Variants in ADAMTS10 observed in about 807,000 individuals in gnomAD.
The protein encoded by ADAMTS10 is A disintegrin and metalloproteinase with thrombospondin motifs 10.
A neutral mutation model predicts 135.9 loss-of-function variants in ADAMTS10; 48 were observed. The observed-to-expected ratio is 0.35, with a 90% CI of 0.28 to 0.45. The LOEUF (loss-of-function observed/expected upper bound fraction) is 0.45. Ranked by LOEUF, ADAMTS10 falls within the 20% of genes least tolerant of loss-of-function variation. The probability of loss-of-function intolerance (pLI) is 1.00; values close to 1 mark genes in which losing one functional copy is unlikely to be tolerated. For synonymous variants in ADAMTS10, 621 were observed against 647.5 expected (o/e 0.96, Z 0.62); for missense variants, 1,131 against 1,565.2 (o/e 0.72, Z 4.68).
Position 8,580,886 on chromosome 19 carries a change from G to A in ADAMTS10, c.*7C>T. 6.3e-7 allele frequency: 1 copy of A among 1,596,230 alleles called. No individual in the cohort carries two copies. On this transcript the variant is annotated 3_prime_UTR_variant, in exon 26 of 26. Coordinates refer to ENST00000597188, the MANE Select transcript of ADAMTS10 (RefSeq NM_030957.4). The stretch of plus-strand genomic sequence containing the variant: ...CGCCAGCTGTGGCTCCGGGTGCCGC[G>A]CGCCCCCTAGTGGCCATGGCAGGTT...
chr19:8,585,576 G>A lies in ADAMTS10; in HGVS notation c.2745C>T (p.Val915=). The A allele has an allele frequency of 6.2e-7, 1 of 1,607,098 alleles. No individual in the cohort carries two copies. Among genetic ancestry groups the A allele is most frequent in the South Asian group, 1.1e-5 (1 of 90,440 alleles). ...RSRSVVCQRR[V]SAAEEKALDD... is the part of the protein sequence containing the mutation. ...CCAGCGCCTTCTCCTCCGCGGCAGA[G>A]ACGCGGCGCTGGCACACGACCGAGC... Residue 915 remains valine (V), a synonymous_variant, in exon 23 of 26, where the codon GTC becomes GTT. Transcript: ENST00000597188.
rs200059935 is a variant in ADAMTS10, at chr19:8,596,237, G to A, written c.1191-18C>T. ...TGCCGAATCTGGGGAAAGGGGTGTC[G>A]GCTCTGCCGGGCGCTGAGGGACCCG... is the stretch of plus-strand genomic sequence containing the variant. On this transcript the variant is annotated intron_variant, in intron 10 of 25. Coordinates refer to ENST00000597188, the MANE Select transcript of ADAMTS10 (RefSeq NM_030957.4). The surrounding 1 kb of genome is among the most constrained non-coding windows in gnomAD (Gnocchi z 7.2). 6.6e-4 allele frequency: 1,068 copies of A among 1,613,324 alleles called. 7 individuals carry two copies. Among genetic ancestry groups the A allele is most frequent in the Non-Finnish European group, 7.8e-4 (921 of 1,180,014 alleles).
intron 1 of ADAMTS10, among the ~76,000 whole-genome samples, chr19:8,610,343 CACACAG>C (rs1194877014): frequency 1.7e-4 from 5 of 29,606 alleles, no homozygotes; most frequent in Admixed American, 8.0e-4. Flanking sequence ...ACTGTCCAAA[CACACAG>C]ACACACAAGA....
rs782743402 is a variant in ADAMTS10 at position 8,586,625 on chromosome 19, C to T, written c.2336G>A (p.Arg779Gln). 3.1e-6 allele frequency: 5 copies of T among 1,614,050 alleles called. No homozygotes were observed. The highest frequency in any genetic ancestry group is 2.2e-5 in the South Asian group (2 of 91,082). ...LPLAGTTFQL[R>Q]QGPDQVQSLE... ...GCTCTGGACCTGGTCTGGCCCCTGT[C>T]GCAGTTGAAAGGTGGTCCCAGCTAG... The change falls in exon 20 of 26, where the codon CGA becomes CAA. Residue 779 changes from arginine to glutamine, a missense_variant. Transcript: ENST00000597188.
intron 6 of ADAMTS10, among the ~76,000 whole-genome samples, chr19:8,599,136 C>T (rs898007744): frequency 3.3e-5 from 5 of 151,968 alleles, no homozygotes; most frequent in African/African-American, 4.8e-5. Flanking sequence ...TACACTGGTA[C>T]GCTGAGGCTT....
intron 1 of ADAMTS10, among the ~76,000 whole-genome samples, 175 bp downstream of exon 1, chr19:8,610,469 C>A (rs1422310041): frequency 2.0e-5 from 3 of 151,526 alleles, no homozygotes; most frequent in African/African-American, 7.3e-5. Flanking sequence ...CCCACGGCAA[C>A]CCCGGGCGTG....
At chr19:8,604,540 G>T (rs1301067318) in intron 4 of ADAMTS10, among the ~76,000 whole-genome samples, 1 of 151,214 alleles carries the variant, frequency 6.6e-6, no homozygotes, top group Non-Finnish European at 1.5e-5. Flanking sequence ...GGAGGGCAGT[G>T]TTGTGATCTC....
intron 15 of ADAMTS10, among the ~76,000 whole-genome samples, 187 bp from the exon 16 acceptor site, chr19:8,590,178 G>C (rs2042504358): frequency 6.6e-6 from 1 of 152,128 alleles, no homozygotes; most frequent in South Asian, 2.1e-4. Context: ...GACACATCTG[G>C]GATAGGACTG....
rs143019805 is a variant in ADAMTS10 at position 8,590,544 on chromosome 19, C to T, written c.1798-553G>A. Among the ~76,000 whole-genome samples, 1,261 of 152,236 alleles carry T rather than the reference C, an allele frequency of 8.3e-3. 21 individuals carry two copies. Among genetic ancestry groups the T allele is most frequent in the African/African-American group, 0.028 (1,183 of 41,524 alleles). ...CACAATCTCGGCTCACTGCAACCTCCGCTTCCTGGATTCAAGTGATTCTCC... is the reference window on the plus strand; with the variant it reads ...CACAATCTCGGCTCACTGCAACCTCTGCTTCCTGGATTCAAGTGATTCTCC... On this transcript the variant is annotated intron_variant, in intron 15 of 25. Coordinates refer to ENST00000597188, the MANE Select transcript of ADAMTS10 (RefSeq NM_030957.4).
intron 25 of ADAMTS10, chr19:8,581,251 A>G (rs782767690): frequency 6.7e-6 from 2 of 300,136 alleles, no homozygotes; most frequent in Non-Finnish European, 1.2e-5. Flanking sequence ...AGTTGGGACT[A>G]CAGGTGTGAG....
intron 6 of ADAMTS10, among the ~76,000 whole-genome samples, chr19:8,600,561 T>G (rs1210110846): frequency 6.7e-6 from 1 of 149,932 alleles, no homozygotes; most frequent in Non-Finnish European, 1.5e-5. Context: ...TGCAGTGGCG[T>G]GATCTTGGCT....
At position 8,589,297 on chromosome 19, in the gene ADAMTS10, G is replaced by A. The variant is rs142495835; in HGVS notation, c.2103C>T (p.Asp701=). ...CCTCGATGGTCTCGCAGGCACTGCC[G>A]TCACCGCCACACACTCGGCACTTGT... is the stretch of plus-strand genomic sequence containing the variant. ...REDKCRVCGG[D]GSACETIEGV... Residue 701 remains aspartate, a synonymous_variant, in exon 18 of 26, where the codon GAC becomes GAT. Coordinates refer to ENST00000597188, the MANE Select transcript of ADAMTS10 (RefSeq NM_030957.4). The A allele has an allele frequency of 1.4e-5, 23 of 1,612,406 alleles. No individual in the cohort carries two copies. The Admixed American group carries it at 2.2e-4, about 15-fold the overall frequency.
chr19:8,585,260 T>C lies in ADAMTS10; in HGVS notation c.2914A>G (p.Lys972Glu). Reference sequence around the variant, plus strand: ...AGCGTGGCGCGGTGGTCTGCGCTCTTGCAAAGGACCACGCGGTGGCGGAGG... The same window carrying C: ...AGCGTGGCGCGGTGGTCTGCGCTCTCGCAAAGGACCACGCGGTGGCGGAGG... Reference protein sequence around the residue: ...PGLRHRVVLCKSADHRATLPP... With the variant: ...PGLRHRVVLCESADHRATLPP... The change falls in exon 24 of 26, where the codon AAG becomes GAG. Residue 972 changes from lysine (K) to glutamate (E), a missense_variant. This residue lies in a region of ADAMTS10 where 745 missense variants were observed against 1,056.3 expected (regional missense o/e 0.71). Coordinates refer to ENST00000597188, the MANE Select transcript of ADAMTS10 (RefSeq NM_030957.4). 2 of 1,497,222 alleles carry C rather than the reference T, an allele frequency of 1.3e-6. No individual in the cohort carries two copies. The highest frequency in any genetic ancestry group is 1.8e-6 in the Non-Finnish European group (2 of 1,121,580). 92.7% of individuals were successfully genotyped at this position (1,497,222 alleles called of 1,614,324 possible). A position where few individuals can be genotyped will look rare whatever the true frequency, so the allele number is the denominator to read the frequency against.
In ADAMTS10 at chr19:8,591,850, C is replaced by A; in HGVS notation, c.1747G>T (p.Gly583Cys). 1 of 1,613,696 alleles carries A rather than the reference C, an allele frequency of 6.2e-7. No individual in the cohort carries two copies. The highest frequency in any genetic ancestry group is 8.5e-7 in the Non-Finnish European group (1 of 1,180,034). ...HCDSPRPTIG[G>C]KYCLGERRRH... ...CTTCTCTCACCCAGACAGTACTTGC[C>A]CCCGATGGTTGGCCTGGAAAGGGTG... Residue 583 changes from glycine (G) to cysteine (C), a missense_variant, in exon 15 of 26, where the codon GGC (glycine) becomes TGC (cysteine). Physicochemically the swap from Gly to Cys is radical, Grantham distance 159 (BLOSUM62 -3). Coordinates refer to ENST00000597188, the MANE Select transcript of ADAMTS10 (RefSeq NM_030957.4).
intron 2 of ADAMTS10, among the ~76,000 whole-genome samples, chr19:8,606,131 G>A (rs782099015): frequency 3.9e-5 from 6 of 152,194 alleles, no homozygotes; most frequent in Non-Finnish European, 8.8e-5. Context: ...TGTGATCATA[G>A]CTCACTGCAG....
chr19:8,610,194 G>GACAC (rs374652955), intron 1 of ADAMTS10, among the ~76,000 whole-genome samples: 1 of 151,138 alleles, frequency 6.6e-6, no homozygotes, highest in South Asian at 2.1e-4. Context: ...CCCCACACCA[G>GACAC]ACACACACAC....
In ADAMTS10 at chr19:8,600,997, A is replaced by G. The variant is rs782622381; in HGVS notation, c.741T>C (p.Ala247=). 2 of 1,614,128 alleles carry G rather than the reference A, an allele frequency of 1.2e-6. No homozygotes were observed. Among genetic ancestry groups the G allele is most frequent in the Non-Finnish European group, 1.7e-6 (2 of 1,180,026 alleles). ...CGTGATAGGCCACCATCATCTTGTC[A>G]GCCACCACCAGGGTCTCCACGTAGC... ...RERYVETLVV[A]DKMMVAYHGR... Residue 247 remains alanine (A), a synonymous_variant, in exon 6 of 26, where the codon GCT becomes GCC. Transcript: ENST00000597188.
chr19:8,601,964 A>G lies in ADAMTS10; in HGVS notation c.593-819T>C, dbSNP rs1408451576. ...CCCATGATGACCAGCATGATTGTAC[A>G]ATCCACTGACAATTCCACTGCCCGA... On this transcript the variant is annotated intron_variant, in intron 5 of 25. Coordinates refer to ENST00000597188, the MANE Select transcript of ADAMTS10 (RefSeq NM_030957.4). This position sits in a 1 kb window ranked among gnomAD's most constrained non-coding sequence, Gnocchi z 4.6. Among the ~76,000 whole-genome samples the G allele has an allele frequency of 3.9e-5, 6 of 152,064 alleles. No homozygotes were observed. The highest frequency in any genetic ancestry group is 1.4e-4 in the African/African-American group (6 of 41,444).
At chr19:8,607,126 T>C (rs952887492) in intron 2 of ADAMTS10, among the ~76,000 whole-genome samples, 2 of 152,110 alleles carry the variant, frequency 1.3e-5, no homozygotes, top group East Asian at 3.9e-4. Context: ...GTGTGAATTT[T>C]CAAGCCAGAT....
Sources: allele counts gnomAD v4.1 joint callset (sites outside exome capture counted in the v4.1 genomes callset), GRCh38; gene constraint gnomAD v4.1.1; regional missense constraint gnomAD v4.1.1; non-coding constraint Gnocchi (gnomAD v3.1); transcripts MANE v1.5; gene names NCBI Gene and HGNC (gene_info 2026-07-23, HGNC 2026-07-21).